The following MSRA variants were observed in gnomAD, a reference collection of about 807,000 sequenced individuals.
The protein encoded by MSRA is mitochondrial peptide methionine sulfoxide reductase.
MSRA carries 54 observed loss-of-function variants against 31.3 expected under a neutral mutation model. That is an observed-to-expected ratio of 1.73 (90% CI 1.39 to 2.17). MSRA has a LOEUF of 2.17. Among genes scored for constraint, MSRA ranks in the 30% most tolerant of loss-of-function variants. The pLI, the probability that MSRA is intolerant of heterozygous loss-of-function variation, is 0.00. For synonymous variants in MSRA, 169 were observed against 116.5 expected, an observed-to-expected ratio of 1.45 and a Z score of -2.90; for missense variants, 507 against 300.9, an observed-to-expected ratio of 1.69 and a Z score of -5.07.
chr8:10,244,490 C>T (rs568945474), intron 2 of MSRA, among the ~76,000 whole-genome samples: 2 of 152,234 alleles, frequency 1.3e-5, no homozygotes, highest in South Asian at 2.1e-4. Flanking sequence ...TCCCTGCCTC[C>T]CTTCCAAACC....
chr8:10,295,260 C>T (rs1270859703), intron 3 of MSRA, among the ~76,000 whole-genome samples: 1 of 152,142 alleles, frequency 6.6e-6, no homozygotes, highest in Non-Finnish European at 1.5e-5. Context: ...CTCCACCTGA[C>T]TTCAAGGCTC....
At position 10,222,178 on chromosome 8, in the gene MSRA, T is replaced by G. The variant is rs1030857579; in HGVS notation, c.211+14277T>G. Among the ~76,000 whole-genome samples, 8 of 152,086 alleles carry G rather than the reference T, an allele frequency of 5.3e-5. No homozygotes were observed. The East Asian group carries it at 9.6e-4, about 18-fold the overall frequency. On this transcript the variant is annotated intron_variant, in intron 2 of 5. Transcript: ENST00000317173. ...GAATACCACTTAGGAAGCTATTGCC[T>G]CCTAGTTCAATACTTTTGGCTTTTG...
chr8:10,115,349 C>T (rs942597103), intron 1 of MSRA, among the ~76,000 whole-genome samples: 8 of 152,170 alleles, frequency 5.3e-5, no homozygotes, highest in African/African-American at 1.9e-4. Flanking sequence ...AAGACTTGGA[C>T]AGAGCTGGCT....
intron 1 of MSRA, among the ~76,000 whole-genome samples, chr8:10,099,191 G>C (rs1383364776): frequency 6.6e-6 from 1 of 152,188 alleles, no homozygotes; most frequent in Non-Finnish European, 1.5e-5. Flanking sequence ...AGAAGGCATA[G>C]GTTCATCTTT....
rs571041100 is a variant in MSRA at position 10,303,917 on chromosome 8, TA to T, written c.436+2280del. Among the ~76,000 whole-genome samples, 66 of 152,244 alleles carry T rather than the reference TA, an allele frequency of 4.3e-4. No homozygotes were observed. In the East Asian group the frequency reaches 0.013, roughly 30 times the overall value. On this transcript the variant is annotated intron_variant, in intron 4 of 5. Transcript: ENST00000317173. ...CCATTATATTTGCCAGGTGCCCTTTTATTTTTTGTTTTTGTTTTTTATTTTA... is the reference window on the plus strand; with the variant it reads ...CCATTATATTTGCCAGGTGCCCTTTTTTTTTTGTTTTTGTTTTTTATTTTA...
chr8:10,146,152 A>G (rs1803124949), intron 1 of MSRA, among the ~76,000 whole-genome samples: 1 of 152,208 alleles, frequency 6.6e-6, no homozygotes, highest in Non-Finnish European at 1.5e-5. Flanking sequence ...GCATGACCAC[A>G]TAACCCTAGA....
chr8:10,228,877 C>T (rs1811226919), intron 2 of MSRA, among the ~76,000 whole-genome samples: 1 of 152,166 alleles, frequency 6.6e-6, no homozygotes, highest in African/African-American at 2.4e-5. Flanking sequence ...ATTCCTTTCC[C>T]TTAACTTCCT....
At chr8:10,095,610 A>G (rs570261500) in intron 1 of MSRA, 2 of 987,906 alleles carry the variant, frequency 2.0e-6, no homozygotes, top group Non-Finnish European at 2.4e-6. Context: ...GAAAGAAAAA[A>G]AGGCAAGACT....
intron 1 of MSRA, among the ~76,000 whole-genome samples, chr8:10,098,603 A>G (rs1360587003): frequency 2.0e-5 from 3 of 152,208 alleles, no homozygotes; most frequent in Non-Finnish European, 4.4e-5. Context: ...CTATAATGAG[A>G]TTAATTTCAA....
chr8:10,385,959 G>A (rs1180555082), intron 5 of MSRA, among the ~76,000 whole-genome samples: 5 of 152,096 alleles, frequency 3.3e-5, no homozygotes, highest in Non-Finnish European at 5.9e-5. Context: ...AGAAAAAGGT[G>A]GCTTTCTGGA....
intron 3 of MSRA, among the ~76,000 whole-genome samples, chr8:10,287,744 C>T (rs569255438): frequency 6.6e-6 from 1 of 152,102 alleles, no homozygotes; most frequent in Non-Finnish European, 1.5e-5. Flanking sequence ...ACCTGGATAT[C>T]CTACAGGTGT....
intron 5 of MSRA, among the ~76,000 whole-genome samples, chr8:10,417,127 T>C (rs1327332660): frequency 6.6e-6 from 1 of 152,204 alleles, no homozygotes; most frequent in African/African-American, 2.4e-5. Flanking sequence ...GCAGGTCTCT[T>C]AATGGACCAA....
chr8:10,334,145 C>G (rs1802876705), intron 5 of MSRA, among the ~76,000 whole-genome samples: 1 of 150,928 alleles, frequency 6.6e-6, no homozygotes, highest in Non-Finnish European at 1.5e-5. Context: ...CATCTCTTAT[C>G]TTACCAACTA....
At chr8:10,197,531 G>T (rs751809246) in intron 1 of MSRA, among the ~76,000 whole-genome samples, 8 of 152,070 alleles carry the variant, frequency 5.3e-5, no homozygotes, top group Non-Finnish European at 1.0e-4. Context: ...AGAGGGCCAG[G>T]GTTGTCTTTC....
intron 2 of MSRA, among the ~76,000 whole-genome samples, chr8:10,241,223 C>G (rs1045167173): frequency 2.0e-5 from 3 of 152,048 alleles, no homozygotes; most frequent in Non-Finnish European, 4.4e-5. Flanking sequence ...TTAAACTAGG[C>G]TTCTTGGTGA....
At chr8:10,383,796 C>T (rs538684964) in intron 5 of MSRA, among the ~76,000 whole-genome samples, 1 of 152,306 alleles carries the variant, frequency 6.6e-6, no homozygotes, top group South Asian at 2.1e-4. Context: ...GAATTTCCTT[C>T]CTGCTTGCTG....
chr8:10,211,323 C>T (rs1031452138), intron 2 of MSRA, among the ~76,000 whole-genome samples: 4 of 152,158 alleles, frequency 2.6e-5, no homozygotes, highest in African/African-American at 9.7e-5. Flanking sequence ...TGTAGCCCAA[C>T]AGTTAGTTTT....
intron 1 of MSRA, among the ~76,000 whole-genome samples, chr8:10,202,625 G>C (rs1220349012): frequency 6.6e-6 from 1 of 152,232 alleles, no homozygotes; most frequent in East Asian, 1.9e-4. Flanking sequence ...TGTTTGATTA[G>C]TGATGTCTGC....
intron 5 of MSRA, among the ~76,000 whole-genome samples, chr8:10,389,986 G>A (rs1029156433): frequency 5.3e-5 from 8 of 152,184 alleles, no homozygotes; most frequent in African/African-American, 1.9e-4. Context: ...ACAGAGCCCT[G>A]CCTTCTGCAG....
Sources: gnomAD v4.1 joint callset for allele counts (sites outside exome capture counted in the v4.1 genomes callset) on GRCh38, gnomAD v4.1.1 for gene constraint, MANE v1.5 for transcripts, NCBI Gene and HGNC (gene_info 2026-07-23, HGNC 2026-07-21) for gene names.